The following PDE4D variants were observed in gnomAD, a reference collection of about 807,000 sequenced individuals.
The protein encoded by PDE4D is 3',5'-cyclic-AMP phosphodiesterase 4D.
Under a neutral mutation model 87.4 loss-of-function variants are expected in PDE4D, and 24 were observed. The observed-to-expected ratio is 0.27, with a 90% CI of 0.20 to 0.39. The LOEUF (loss-of-function observed/expected upper bound fraction) is 0.39. Among genes scored for constraint, PDE4D ranks in the 10% least tolerant of loss-of-function variants. The pLI, the probability that PDE4D is intolerant of heterozygous loss-of-function variation, is 1.00. For synonymous variants in PDE4D, 384 were observed against 383.2 expected (o/e 1.00, Z -0.02); for missense variants, 714 against 1,041.0 (o/e 0.69, Z 4.32).
chr5:59,382,893 T>G (rs1786176810), intron 1 of PDE4D, among the ~76,000 whole-genome samples: 1 of 152,214 alleles, frequency 6.6e-6, no homozygotes. Flanking sequence ...ATTCTAAGCA[T>G]TGAAGTCATT....
intron 1 of PDE4D, among the ~76,000 whole-genome samples, chr5:59,344,726 G>A (rs1274740475): frequency 6.6e-6 from 1 of 152,120 alleles, no homozygotes; most frequent in African/African-American, 2.4e-5. Flanking sequence ...TTCACGATGT[G>A]AAGTATCTGT....
chr5:59,665,213 G>T (rs1580262365), intron 1 of PDE4D, among the ~76,000 whole-genome samples: 1 of 152,162 alleles, frequency 6.6e-6, no homozygotes, highest in East Asian at 1.9e-4. Context: ...ATTTTGGCAA[G>T]CAAAGTTTAA....
At chr5:60,050,517 C>G (rs1351873435) in intron 2 of PDE4D, among the ~76,000 whole-genome samples, 1 of 152,158 alleles carries the variant, frequency 6.6e-6, no homozygotes, top group Non-Finnish European at 1.5e-5. Context: ...GCCTGCCTTA[C>G]AAGAGCTCCT....
intron 1 of PDE4D, among the ~76,000 whole-genome samples, chr5:59,743,826 C>A (rs1161944829): frequency 6.6e-6 from 1 of 152,044 alleles, no homozygotes; most frequent in East Asian, 1.9e-4. Flanking sequence ...TCACTCAAAT[C>A]ATTACACTTC....
chr5:59,893,424 G>A lies in PDE4D; in HGVS notation c.199C>T (p.Pro67Ser), dbSNP rs1316277460. ...LPPPPPPSPQ[P>S]QPQCPLQPPP... ...GGCTGTAGCGGACACTGGGGCTGGG[G>A]CTGGGGCGAGGGTGGCGGCGGCGGG... Residue 67 changes from proline (P) to serine (S), a missense_variant, in exon 1 of 15, where the codon CCC becomes TCC. By Grantham distance (74) the Pro-to-Ser change is moderately conservative. Around this residue, in one of 7 missense-constraint regions of PDE4D, gnomAD observed 268 missense variants for 272.9 expected, o/e 0.98. Coordinates refer to ENST00000340635, the MANE Select transcript of PDE4D (RefSeq NM_001104631.2). 1.3e-6 allele frequency: 2 copies of A among 1,497,734 alleles called. No homozygotes were observed. The highest frequency in any genetic ancestry group is 1.4e-5 in the African/African-American group (1 of 68,984). The allele number at this position is 1,497,734 out of a possible 1,614,324, so 92.8% of individuals were successfully genotyped here. A position where few individuals can be genotyped will look rare whatever the true frequency, so the allele number is the denominator to read the frequency against.
At chr5:59,775,989 A>G (rs1764038800) in intron 1 of PDE4D, among the ~76,000 whole-genome samples, 1 of 152,298 alleles carries the variant, frequency 6.6e-6, no homozygotes, top group East Asian at 1.9e-4. Flanking sequence ...TTTCTATGAG[A>G]CAGTGTATTT....
chr5:59,319,231 A>G (rs529370652), intron 1 of PDE4D, among the ~76,000 whole-genome samples: 96 of 151,964 alleles, frequency 6.3e-4, no homozygotes, highest in African/African-American at 2.2e-3. Context: ...ATTTAAAACA[A>G]TAACATTTTG....
chr5:60,076,883 G>C (rs1773351933), intron 2 of PDE4D, among the ~76,000 whole-genome samples: 1 of 152,210 alleles, frequency 6.6e-6, no homozygotes, highest in Non-Finnish European at 1.5e-5. Flanking sequence ...CTGGGGTTCT[G>C]GCCTCTGTGT....
intron 2 of PDE4D, among the ~76,000 whole-genome samples, chr5:60,111,323 A>G (rs1777659080): frequency 1.3e-5 from 2 of 151,992 alleles, no homozygotes; most frequent in African/African-American, 4.8e-5. Flanking sequence ...AACCTATCTG[A>G]CCAGGATATT....
At chr5:59,009,357 G>T (rs925142020) in intron 6 of PDE4D, among the ~76,000 whole-genome samples, 6 of 151,964 alleles carry the variant, frequency 3.9e-5, no homozygotes, top group African/African-American at 1.4e-4. Flanking sequence ...AACAAATTGT[G>T]TCCATAAAAT....
intron 5 of PDE4D, among the ~76,000 whole-genome samples, chr5:59,097,882 C>T (rs1187214939): frequency 7.2e-5 from 11 of 152,166 alleles, no homozygotes; most frequent in Non-Finnish European, 4.4e-5. Context: ...GTCACAAAAA[C>T]ATCTTAGGCT....
At chr5:59,217,699 T>A (rs1318860665) in intron 1 of PDE4D, among the ~76,000 whole-genome samples, 1 of 152,194 alleles carries the variant, frequency 6.6e-6, no homozygotes. Context: ...CTGCATTGAA[T>A]CATCGATTGT....
intron 5 of PDE4D, among the ~76,000 whole-genome samples, chr5:59,083,169 A>G (rs1209968156): frequency 6.6e-6 from 1 of 152,078 alleles, no homozygotes; most frequent in South Asian, 2.1e-4. Flanking sequence ...CTTCCTGAGA[A>G]CTTTGAAACC....
At chr5:60,379,915 G>T (rs1301119439) in intron 1 of PDE4D, among the ~76,000 whole-genome samples, 1 of 152,134 alleles carries the variant, frequency 6.6e-6, no homozygotes, top group Non-Finnish European at 1.5e-5. Context: ...TTGATTACAT[G>T]TTTCAGCCAT....
intron 1 of PDE4D, among the ~76,000 whole-genome samples, chr5:59,231,216 A>G (rs1005145573): frequency 1.3e-5 from 2 of 152,218 alleles, no homozygotes; most frequent in Non-Finnish European, 2.9e-5. Context: ...ATCTGGCTGA[A>G]GACAAAATGA....
chr5:59,253,521 C>T (rs1198086264), intron 1 of PDE4D, among the ~76,000 whole-genome samples: 1 of 152,004 alleles, frequency 6.6e-6, no homozygotes, highest in Non-Finnish European at 1.5e-5. Context: ...CTCATTATCA[C>T]GATGGGATAT....
intron 1 of PDE4D, among the ~76,000 whole-genome samples, chr5:59,773,385 A>T (rs866682902): frequency 6.6e-6 from 1 of 152,248 alleles, no homozygotes; most frequent in Middle Eastern, 3.4e-3. Context: ...AAAATTGTTT[A>T]TGGTTATTTC....
intron 5 of PDE4D, among the ~76,000 whole-genome samples, chr5:59,160,652 G>A (rs1034471748): frequency 1.3e-5 from 2 of 152,042 alleles, no homozygotes; most frequent in Admixed American, 6.6e-5. Flanking sequence ...CCCCCAAGGT[G>A]ATTTTAAGGA....
chr5:60,093,898 T>C (rs1775396702), intron 2 of PDE4D, among the ~76,000 whole-genome samples: 1 of 152,186 alleles, frequency 6.6e-6, no homozygotes, highest in African/African-American at 2.4e-5. Context: ...TGTAAGATAA[T>C]ATACCAACAA....
Sources: allele counts gnomAD v4.1 joint callset (sites outside exome capture counted in the v4.1 genomes callset), GRCh38; gene constraint gnomAD v4.1.1; regional missense constraint gnomAD v4.1.1; transcripts MANE v1.5; gene names NCBI Gene and HGNC (gene_info 2026-07-23, HGNC 2026-07-21).